Variants in CGNL1 observed in about 807,000 individuals in gnomAD.
CGNL1 encodes the protein cingulin like 1, also known as cingulin-like protein 1.
Under a neutral mutation model 141.2 loss-of-function variants are expected in CGNL1, and 132 were observed. The observed-to-expected ratio is 0.93, with a 90% CI of 0.81 to 1.08. CGNL1 has a LOEUF of 1.08. Ranked by LOEUF, CGNL1 falls within the 50% of genes least tolerant of loss-of-function variation. The pLI, the probability that CGNL1 is intolerant of heterozygous loss-of-function variation, is 0.00. For missense variants in CGNL1, 1,870 were observed against 1,588.6 expected, an observed-to-expected ratio of 1.18 and a Z score of -3.01; for synonymous variants, 690 against 622.1, an observed-to-expected ratio of 1.11 and a Z score of -1.63.
chr15:57,479,786 A>C (rs2063702920), intron 8 of CGNL1, among the ~76,000 whole-genome samples: 1 of 152,168 alleles, frequency 6.6e-6, no homozygotes, highest in Non-Finnish European at 1.5e-5. Flanking sequence ...GGTACAGGGG[A>C]GGCAGGAAGG....
At chr15:57,377,497 TG>T (rs1308033286) in intron 1 of CGNL1, among the ~76,000 whole-genome samples, 1 of 152,182 alleles carries the variant, frequency 6.6e-6, no homozygotes, top group Non-Finnish European at 1.5e-5. Flanking sequence ...CTTTGAGAGT[TG>T]CTCCCACCAG....
chr15:57,492,775 GT>G (rs1466692102), intron 8 of CGNL1, among the ~76,000 whole-genome samples: 2 of 152,120 alleles, frequency 1.3e-5, no homozygotes, highest in African/African-American at 4.8e-5. Flanking sequence ...TTATACCCAA[GT>G]TTCCTTGCTA....
At chr15:57,434,322 A>T (rs2063079546) in intron 1 of CGNL1, among the ~76,000 whole-genome samples, 1 of 152,344 alleles carries the variant, frequency 6.6e-6, no homozygotes, top group Middle Eastern at 3.4e-3. Context: ...AGAGTAAAAA[A>T]GATGGAGTTA....
rs1164762439 is a variant in CGNL1, at chr15:57,438,768, CT to C, written c.770del (p.Leu257ArgfsTer100). 6.2e-7 allele frequency: 1 copy of C among 1,614,072 alleles called. No individual in the cohort carries two copies. Among genetic ancestry groups the C allele is most frequent in the Non-Finnish European group, 8.5e-7 (1 of 1,180,038 alleles). On this transcript the variant is annotated frameshift_variant, in exon 2 of 19. Transcript: ENST00000281282. LOFTEE classifies it high-confidence loss of function. The part of the protein sequence containing the change: ...EEALFTSGRP[L>X]TAHSPHAHPE... The stretch of plus-strand genomic sequence containing the variant: ...GGCCCTTTTCACTAGCGGGAGGCCC[CT>C]GACTGCCCACAGCCCACATGCCCAC...
intron 8 of CGNL1, among the ~76,000 whole-genome samples, chr15:57,462,838 C>A (rs2063464072): frequency 6.6e-6 from 1 of 152,056 alleles, no homozygotes; most frequent in Admixed American, 6.5e-5. Context: ...AACTTGGAGA[C>A]CGTTTTTAAA....
At chr15:57,522,738 A>T (rs1391331194) in intron 10 of CGNL1, among the ~76,000 whole-genome samples, 1 of 152,188 alleles carries the variant, frequency 6.6e-6, no homozygotes, top group South Asian at 2.1e-4. Context: ...ACTTTGTGAG[A>T]TGAGAGCCTC....
intron 16 of CGNL1, among the ~76,000 whole-genome samples, chr15:57,544,905 C>T (rs1416377737): frequency 6.6e-6 from 1 of 152,192 alleles, no homozygotes; most frequent in Non-Finnish European, 1.5e-5. Context: ...CTAAATAGGA[C>T]AGGCTGCCTT....
Position 57,378,185 on chromosome 15 carries a change from T to G in CGNL1, c.-16+1618T>G, listed in dbSNP as rs944403077. On this transcript the variant is annotated intron_variant, in intron 1 of 18. Coordinates refer to ENST00000281282, the MANE Select transcript of CGNL1 (RefSeq NM_032866.5). ...ATATTGGCTAAATTAGGTCATATAT[T>G]TTATCAAGAAAATGTGTTTTCACTG... Among the ~76,000 whole-genome samples the G allele has an allele frequency of 3.3e-5, 5 of 152,196 alleles. No individual in the cohort carries two copies. The East Asian group carries it at 9.6e-4, about 29-fold the overall frequency.
At chr15:57,426,157 T>C (rs1003243455) in intron 1 of CGNL1, among the ~76,000 whole-genome samples, 9 of 152,074 alleles carry the variant, frequency 5.9e-5, no homozygotes, top group Non-Finnish European at 7.4e-5. Context: ...CATTCTTTTT[T>C]TTTTTGAGAC....
chr15:57,398,753 A>C (rs1210865646), intron 1 of CGNL1, among the ~76,000 whole-genome samples: 5 of 152,220 alleles, frequency 3.3e-5, no homozygotes, highest in African/African-American at 1.2e-4. Flanking sequence ...AACCCACTTG[A>C]AGATTAAAAT....
At chr15:57,496,515 C>T (rs1371857408) in intron 8 of CGNL1, among the ~76,000 whole-genome samples, 1 of 152,192 alleles carries the variant, frequency 6.6e-6, no homozygotes, top group Non-Finnish European at 1.5e-5. Flanking sequence ...TCCCTCCCCT[C>T]AACCTCCGCC....
At chr15:57,499,020 A>G (rs1438181725) in intron 8 of CGNL1, among the ~76,000 whole-genome samples, 2 of 152,132 alleles carry the variant, frequency 1.3e-5, no homozygotes, top group Admixed American at 1.3e-4. Context: ...GGAGGGTGAC[A>G]TGATCTGATT....
intron 1 of CGNL1, among the ~76,000 whole-genome samples, chr15:57,399,690 C>T (rs551644018): frequency 1.3e-3 from 197 of 152,060 alleles, no homozygotes; most frequent in African/African-American, 4.6e-3. Flanking sequence ...GTCTTCGGAG[C>T]GGAGTATGGA....
At chr15:57,505,334 T>C (rs2064086996) in intron 8 of CGNL1, among the ~76,000 whole-genome samples, 1 of 152,210 alleles carries the variant, frequency 6.6e-6, no homozygotes, top group Admixed American at 6.5e-5. Flanking sequence ...ACCCTGTTTT[T>C]AAGAAAGCTG....
chr15:57,377,817 T>C (rs868813049), intron 1 of CGNL1, among the ~76,000 whole-genome samples: 28 of 152,328 alleles, frequency 1.8e-4, no homozygotes, highest in African/African-American at 6.3e-4. Context: ...TGACTTGTCA[T>C]ATTCGGGAAT....
At chr15:57,404,697 C>T (rs191700004) in intron 1 of CGNL1, among the ~76,000 whole-genome samples, 123 of 152,200 alleles carry the variant, frequency 8.1e-4, no homozygotes, top group African/African-American at 2.9e-3. Flanking sequence ...TCAGAGAACC[C>T]CAAATTTCTT....
chr15:57,528,879 G>A, intron 13 of CGNL1, 64 bp downstream of exon 13: 8 of 1,538,036 alleles, frequency 5.2e-6, no homozygotes, highest in Non-Finnish European at 7.1e-6. Context: ...CACGAGAGAA[G>A]CAGCCTCTTT....
rs1567172109 is a variant in CGNL1 at position 57,528,828 on chromosome 15, T to C, written c.3201+13T>C. The C allele has an allele frequency of 6.2e-7, 1 of 1,612,608 alleles. No individual in the cohort carries two copies. The highest frequency in any genetic ancestry group is 8.5e-7 in the Non-Finnish European group (1 of 1,179,556). On this transcript the variant is annotated intron_variant, in intron 13 of 18. Coordinates refer to ENST00000281282, the MANE Select transcript of CGNL1 (RefSeq NM_032866.5). Reference sequence around the variant, plus strand: ...CAAGCAGATGGAGGTCTGTGGGCCGTACAGTGTGAGCTGGGGGACCTGCAG... The same window carrying C: ...CAAGCAGATGGAGGTCTGTGGGCCGCACAGTGTGAGCTGGGGGACCTGCAG...
At chr15:57,491,993 G>A (rs1251563048) in intron 8 of CGNL1, among the ~76,000 whole-genome samples, 1 of 152,196 alleles carries the variant, frequency 6.6e-6, no homozygotes, top group Non-Finnish European at 1.5e-5. Flanking sequence ...ATGACTGAAT[G>A]TAATGTGGTA....
Sources: allele counts gnomAD v4.1 joint callset (sites outside exome capture counted in the v4.1 genomes callset), GRCh38; gene constraint gnomAD v4.1.1; transcripts MANE v1.5; gene names NCBI Gene and HGNC (gene_info 2026-07-23, HGNC 2026-07-21).